The following DENND2B variants were observed in gnomAD, a reference collection of about 807,000 sequenced individuals.
DENND2B encodes DENN domain containing 2B.
In DENND2B, 32 loss-of-function variants were observed where a neutral mutation model predicts 116.0. That is an observed-to-expected ratio of 0.28 (90% CI 0.21 to 0.37). The LOEUF is 0.37. DENND2B is among the 10% of genes least tolerant of loss of function. DENND2B has a pLI of 1.00. For missense variants in DENND2B, 1,276 were observed against 1,477.7 expected, an observed-to-expected ratio of 0.86 and a Z score of 2.24; for synonymous variants, 588 against 583.9, an observed-to-expected ratio of 1.01 and a Z score of -0.10.
chr11:8,899,935 G>T (rs1028270636), intron 1 of DENND2B, among the ~76,000 whole-genome samples: 1 of 152,150 alleles, frequency 6.6e-6, no homozygotes, highest in African/African-American at 2.4e-5. Flanking sequence ...CATGAGAAGG[G>T]GGGATATGGA....
chr11:8,874,201 GAA>G (rs1404877510), upstream of DENND2B, among the ~76,000 whole-genome samples: 2 of 152,162 alleles, frequency 1.3e-5, no homozygotes, highest in Non-Finnish European at 2.9e-5. Flanking sequence ...TCAGTCTAAT[GAA>G]AGTTTCCTAA....
At chr11:8,848,249 C>T (rs563944117) in intron 3 of DENND2B, among the ~76,000 whole-genome samples, 2 of 152,196 alleles carry the variant, frequency 1.3e-5, no homozygotes, top group Admixed American at 6.5e-5. Context: ...TTTGATCATA[C>T]CTGAAGAAAT....
At chr11:8,886,890 G>A (rs2134736298) in intron 1 of DENND2B, among the ~76,000 whole-genome samples, 2 of 152,190 alleles carry the variant, frequency 1.3e-5, no homozygotes, top group South Asian at 4.1e-4. Flanking sequence ...GTGCAATGGT[G>A]CAATCTTGGC....
In DENND2B at chr11:8,693,734, G is replaced by A. The variant is rs1023357328; in HGVS notation, c.*362C>T. ...GGGACCTCAGGCAGGCAGGCAGGCC[G>A]AAGGCCTCCAGGGAAGATCAGTGGT... is the stretch of plus-strand genomic sequence containing the variant. On this transcript the variant is annotated 3_prime_UTR_variant, in exon 20 of 20. Transcript: ENST00000313726. 6 of 219,434 alleles carry A rather than the reference G, an allele frequency of 2.7e-5. No homozygotes were observed. The highest frequency in any genetic ancestry group is 1.1e-4 in the Admixed American group (2 of 17,694). The allele number at this position is 219,434 out of a possible 1,614,324, so 13.6% of individuals were successfully genotyped here. A position where few individuals can be genotyped will look rare whatever the true frequency, so the allele number is the denominator to read the frequency against.
At chr11:8,783,787 G>A (rs969124457) in intron 1 of DENND2B, among the ~76,000 whole-genome samples, 4 of 152,166 alleles carry the variant, frequency 2.6e-5, no homozygotes, top group Admixed American at 2.0e-4. Flanking sequence ...AAAAGAGGGA[G>A]ATATCATAGA....
At chr11:8,753,025 C>T (rs2052821150) in intron 1 of DENND2B, among the ~76,000 whole-genome samples, 2 of 152,030 alleles carry the variant, frequency 1.3e-5, no homozygotes, top group South Asian at 4.2e-4. Context: ...TCCCTTGAGC[C>T]CAGGAGTTCA....
chr11:8,726,168 A>C lies in DENND2B; in HGVS notation c.1382T>G (p.Leu461Arg), dbSNP rs767979553. Residue 461 changes from leucine (L) to arginine (R), a missense_variant, in exon 4 of 20, where the codon CTG (leucine) becomes CGG (arginine). Leu to Arg is a moderately radical substitution (Grantham distance 102). Around this residue, in one of 2 missense-constraint regions of DENND2B, gnomAD observed 856 missense variants for 846.6 expected, o/e 1.01. Coordinates refer to ENST00000313726, the MANE Select transcript of DENND2B (RefSeq NM_213618.2). ...ATTCTCAGTGGGAGAAGAGGGGTAC[A>C]GGGACTGGAGACTGGATGCATCCTC... Reference protein sequence around the residue: ...EFEDASSLQSLYPSSPTENGT... With the variant: ...EFEDASSLQSRYPSSPTENGT... The C allele has an allele frequency of 2.5e-6, 4 of 1,613,598 alleles. No homozygotes were observed. In the South Asian group the frequency reaches 3.3e-5, roughly 13 times the overall value.
At chr11:8,902,277 G>C (rs1429143942) in intron 1 of DENND2B, among the ~76,000 whole-genome samples, 1 of 149,136 alleles carries the variant, frequency 6.7e-6, no homozygotes, top group African/African-American at 2.5e-5. Flanking sequence ...AGTGAGCTGA[G>C]ATCACACCAC....
In DENND2B at chr11:8,774,260, T is replaced by A. The variant is rs150371980; in HGVS notation, c.-25-23535A>T. On this transcript the variant is annotated intron_variant, in intron 1 of 19. Coordinates refer to ENST00000313726, the MANE Select transcript of DENND2B (RefSeq NM_213618.2). ...CCTGTCTTTATGACTAGCAGTCTCT[T>A]CCAGAAACGGCAGGACACTTTAATC... 5.8e-5 allele frequency: 57 copies of A among 985,430 alleles called. No homozygotes were observed. The East Asian group carries it at 4.6e-3, about 80-fold the overall frequency. 61.0% of individuals were successfully genotyped at this position (985,430 alleles called of 1,614,324 possible). A position where few individuals can be genotyped will look rare whatever the true frequency, so the allele number is the denominator to read the frequency against.
chr11:8,813,191 T>C (rs926853028), upstream of DENND2B, among the ~76,000 whole-genome samples: 2 of 152,194 alleles, frequency 1.3e-5, no homozygotes, highest in Non-Finnish European at 2.9e-5. Context: ...GACTTGAGTT[T>C]AAAAGGTAAA....
At chr11:8,755,625 C>G (rs1208310317) in intron 1 of DENND2B, among the ~76,000 whole-genome samples, 1 of 152,084 alleles carries the variant, frequency 6.6e-6, no homozygotes, top group Non-Finnish European at 1.5e-5. Context: ...CTCACTTTTA[C>G]CCTTCATAAA....
chr11:8,729,718 C>T (rs1565752922), intron 3 of DENND2B, among the ~76,000 whole-genome samples: 1 of 152,186 alleles, frequency 6.6e-6, no homozygotes, highest in African/African-American at 2.4e-5. Flanking sequence ...CTTCAGTGAC[C>T]AGCACTCAGG....
chr11:8,833,049 C>T (rs571442193), intron 4 of DENND2B, among the ~76,000 whole-genome samples: 164 of 152,362 alleles, frequency 1.1e-3, no homozygotes, highest in African/African-American at 3.7e-3. Context: ...CATTTTCTAA[C>T]ACATCTTGAG....
intron 2 of DENND2B, among the ~76,000 whole-genome samples, chr11:8,879,939 G>A (rs1414474512): frequency 6.6e-6 from 1 of 152,320 alleles, no homozygotes; most frequent in Admixed American, 6.5e-5. Context: ...GAAATAGTAA[G>A]TTATGAAAAG....
Position 8,712,640 on chromosome 11 carries a change from C to T in DENND2B, c.2083G>A (p.Glu695Lys). ...ELELLEWQER[E>K]LFEYFVVVSL... is the part of the protein sequence containing the mutation. Reference sequence around the variant, plus strand: ...ACCACCACAAAGTACTCAAAAAGCTCCCGCTCCTGCCACTCCAGCAGCTCC... The same window carrying T: ...ACCACCACAAAGTACTCAAAAAGCTTCCGCTCCTGCCACTCCAGCAGCTCC... Residue 695 changes from glutamate to lysine, a missense_variant, in exon 9 of 20, where the codon GAG (glutamate) becomes AAG (lysine). By Grantham distance (56) the Glu-to-Lys change is moderately conservative. Around this residue, in one of 2 missense-constraint regions of DENND2B, gnomAD observed 420 missense variants for 631.1 expected, o/e 0.67. Coordinates refer to ENST00000313726, the MANE Select transcript of DENND2B (RefSeq NM_213618.2). This position sits in a 1 kb window ranked among gnomAD's most constrained non-coding sequence, Gnocchi z 4.4. The T allele has an allele frequency of 6.3e-7, 1 of 1,582,452 alleles. No individual in the cohort carries two copies.
chr11:8,710,828 C>T lies in DENND2B; in HGVS notation c.2352+17G>A, dbSNP rs758758034. ...ATCCCCTGCCTGCTGGCCTGAGGAC[C>T]GAATGGCCTCACTCACCAGTAAGCG... On this transcript the variant is annotated intron_variant, in intron 11 of 19. Transcript: ENST00000313726. The T allele has an allele frequency of 2.5e-6, 4 of 1,612,498 alleles. No individual in the cohort carries two copies. The highest frequency in any genetic ancestry group is 3.3e-5 in the Admixed American group (2 of 59,956).
In DENND2B at chr11:8,712,605, C is replaced by T; in HGVS notation, c.2118G>A (p.Lys706=). 3.2e-6 allele frequency: 5 copies of T among 1,561,940 alleles called. No homozygotes were observed. The highest frequency in any genetic ancestry group is 4.3e-6 in the Non-Finnish European group (5 of 1,152,326). The part of the protein sequence containing the change: ...LFEYFVVVSL[K]KKPSRNTYLP... ...GGTAGGTGTTTCGCGATGGCTTCTT[C>T]TTGAGGGACACCACCACAAAGTACT... Residue 706 remains lysine (K), a synonymous_variant, in exon 9 of 20, where the codon AAG becomes AAA. Transcript: ENST00000313726. This position sits in a 1 kb window ranked among gnomAD's most constrained non-coding sequence, Gnocchi z 4.4.
chr11:8,808,878 C>G (rs1336886261), intron 1 of DENND2B: 1 of 149,302 alleles, frequency 6.7e-6, no homozygotes, highest in Non-Finnish European at 1.5e-5. Context: ...TCAAGTCTAG[C>G]AACCCAAATC....
At chr11:8,851,103 A>C (rs1048513077) in intron 3 of DENND2B, among the ~76,000 whole-genome samples, 2 of 152,182 alleles carry the variant, frequency 1.3e-5, no homozygotes, top group East Asian at 1.9e-4. Context: ...AGTTCAAGAG[A>C]TCTACTGCAC....
Sources: gnomAD v4.1 joint callset for allele counts (sites outside exome capture counted in the v4.1 genomes callset) on GRCh38, gnomAD v4.1.1 for gene constraint, gnomAD v4.1.1 regional missense constraint, Gnocchi (gnomAD v3.1) non-coding constraint, MANE v1.5 for transcripts, NCBI Gene and HGNC (gene_info 2026-07-23, HGNC 2026-07-21) for gene names.